Variants in ADARB1 observed in about 807,000 individuals in gnomAD.
ADARB1 encodes the protein double-stranded RNA-specific editase 1.
Under a neutral mutation model 52.4 loss-of-function variants are expected in ADARB1, and 10 were observed. The ratio of observed to expected loss-of-function variants is 0.19; its 90% CI spans 0.12 to 0.32. The LOEUF (loss-of-function observed/expected upper bound fraction) is 0.32, where lower values mean the gene tolerates loss of function less well. ADARB1 is among the 10% of genes least tolerant of loss of function. The pLI is 1.00. For synonymous variants in ADARB1, 349 were observed against 371.1 expected, an observed-to-expected ratio of 0.94 and a Z score of 0.68; for missense variants, 643 against 922.3, an observed-to-expected ratio of 0.70 and a Z score of 3.92.
At chr21:45,102,123 G>A (rs559533971) in intron 1 of ADARB1, among the ~76,000 whole-genome samples, 26 of 152,082 alleles carry the variant, frequency 1.7e-4, no homozygotes, top group Middle Eastern at 3.2e-3. Context: ...AACTCCTGGC[G>A]TCAAGCGATC....
chr21:45,154,530 T>C (rs1223189511), intron 2 of ADARB1, among the ~76,000 whole-genome samples: 2 of 152,250 alleles, frequency 1.3e-5, no homozygotes, highest in African/African-American at 4.8e-5. Context: ...TGATACAATG[T>C]ACGCCTTTTA....
intron 2 of ADARB1, among the ~76,000 whole-genome samples, chr21:45,137,478 G>T (rs1024937369): frequency 2.0e-5 from 3 of 152,310 alleles, no homozygotes; most frequent in African/African-American, 7.2e-5. Context: ...GTACGTGGGT[G>T]GCCCTTCGGG....
intron 1 of ADARB1, among the ~76,000 whole-genome samples, chr21:45,121,237 C>A (rs1210424717): frequency 2.0e-5 from 3 of 152,156 alleles, no homozygotes; most frequent in Non-Finnish European, 4.4e-5. Flanking sequence ...CCTTTTATAG[C>A]CACTCTTTTT....
intron 1 of ADARB1, among the ~76,000 whole-genome samples, chr21:45,089,319 A>C (rs994982308): frequency 2.0e-5 from 3 of 152,240 alleles, no homozygotes; most frequent in Admixed American, 6.5e-5. Context: ...AAATTTCAAC[A>C]TAAAAAGTTG....
At chr21:45,109,305 C>T (rs2087422243) in intron 1 of ADARB1, among the ~76,000 whole-genome samples, 1 of 141,642 alleles carries the variant, frequency 7.1e-6, no homozygotes, top group Admixed American at 7.0e-5. Context: ...TATGTGTGTG[C>T]ACGTGTGTGC....
intron 1 of ADARB1, among the ~76,000 whole-genome samples, chr21:45,112,522 C>CTT (rs2145759744): frequency 6.6e-6 from 1 of 151,850 alleles, no homozygotes; most frequent in South Asian, 2.1e-4. Context: ...GTGTGTATCT[C>CTT]TGTGTAGAGT....
intron 1 of ADARB1, among the ~76,000 whole-genome samples, chr21:45,123,623 C>T (rs1201477277): frequency 6.6e-6 from 1 of 150,994 alleles, no homozygotes; most frequent in Non-Finnish European, 1.5e-5. Flanking sequence ...GTTTTTGAGA[C>T]AGTGTCTCAC....
chr21:45,124,463 C>G (rs2088430369), intron 1 of ADARB1, among the ~76,000 whole-genome samples: 1 of 152,136 alleles, frequency 6.6e-6, no homozygotes. Flanking sequence ...CAGCCTCTGC[C>G]TCCTGGGCTC....
chr21:45,112,251 C>T (rs973327475), intron 1 of ADARB1, among the ~76,000 whole-genome samples: 1 of 152,148 alleles, frequency 6.6e-6, no homozygotes, highest in African/African-American at 2.4e-5. Flanking sequence ...ACTGGTTTTC[C>T]CCCTGAAAAT....
chr21:45,202,034 G>T (rs1468573220), intron 8 of ADARB1, among the ~76,000 whole-genome samples: 1 of 152,004 alleles, frequency 6.6e-6, no homozygotes, highest in African/African-American at 2.4e-5. Flanking sequence ...TGACAGGGCT[G>T]GGGGATCTGG....
At position 45,223,623 on chromosome 21, in the gene ADARB1, C is replaced by G. The variant is rs549197175; in HGVS notation, c.*1426C>G. 3.0e-6 allele frequency: 3 copies of G among 985,734 alleles called. No homozygotes were observed. The African/African-American group carries it at 5.2e-5, about 17-fold the overall frequency. 61.1% of individuals were successfully genotyped at this position (985,734 alleles called of 1,614,324 possible). On this transcript the variant is annotated 3_prime_UTR_variant, in exon 11 of 11. Transcript: ENST00000348831. ...GGGAGAGATTGGTGCAGACCTTACCCCACAGCATACACCTGCCACAGCGAA... is the reference window on the plus strand; with the variant it reads ...GGGAGAGATTGGTGCAGACCTTACCGCACAGCATACACCTGCCACAGCGAA...
At chr21:45,170,576 T>C (rs1276081341) in intron 2 of ADARB1, among the ~76,000 whole-genome samples, 1 of 151,552 alleles carries the variant, frequency 6.6e-6, no homozygotes, top group Non-Finnish European at 1.5e-5. Context: ...AAACTATATA[T>C]ATAAAATATA....
intron 1 of ADARB1, among the ~76,000 whole-genome samples, chr21:45,101,512 A>G (rs2087015406): frequency 6.6e-6 from 1 of 152,240 alleles, no homozygotes. Flanking sequence ...TATACCTGTG[A>G]TGTAACGAAA....
chr21:45,080,037 G>A (rs1046115205), intron 1 of ADARB1, among the ~76,000 whole-genome samples: 18 of 152,184 alleles, frequency 1.2e-4, no homozygotes, highest in African/African-American at 4.3e-4. Context: ...CCAAGACACC[G>A]AGGGGTTCTT....
chr21:45,176,390 C>T lies in ADARB1; in HGVS notation c.689C>T (p.Pro230Leu). Residue 230 changes from proline to leucine, a missense_variant, in exon 4 of 11, where the codon CCC becomes CTC. Physicochemically the swap from Pro to Leu is moderately conservative, Grantham distance 98 (BLOSUM62 -3). Coordinates refer to ENST00000348831, the MANE Select transcript of ADARB1 (RefSeq NM_001112.4). The surrounding 1 kb of genome is among the most constrained non-coding windows in gnomAD (Gnocchi z 5.8). ...PPLPVLPPFPPPSGKNPVMIL... is the reference protein window; with the variant it reads ...PPLPVLPPFPLPSGKNPVMIL... ...CTCCCTGTCTTACCACCATTCCCAC[C>T]CCCGAGTGGGAAGAATCCCGTGATG... 1 of 1,614,182 alleles carries T rather than the reference C, an allele frequency of 6.2e-7. No homozygotes were observed. The highest frequency in any genetic ancestry group is 8.5e-7 in the Non-Finnish European group (1 of 1,180,024).
chr21:45,184,919 T>C lies in ADARB1; in HGVS notation c.1397-4T>C, dbSNP rs1036440966. 25 of 1,609,086 alleles carry C rather than the reference T, an allele frequency of 1.6e-5. No homozygotes were observed. The highest frequency in any genetic ancestry group is 1.9e-5 in the Non-Finnish European group (22 of 1,175,944). Reference sequence around the variant, plus strand: ...GTGGGGTTTTAACTCTTTTTCTCTCTTAGAACCAGCAGATAGACACCCAAA... The same window carrying C: ...GTGGGGTTTTAACTCTTTTTCTCTCCTAGAACCAGCAGATAGACACCCAAA... On this transcript the variant is annotated splice_polypyrimidine_tract_variant and splice_region_variant and intron_variant, in intron 7 of 10. Transcript: ENST00000348831.
In ADARB1 at chr21:45,225,301, C is replaced by T; in HGVS notation, c.*3104C>T. The T allele has an allele frequency of 8.4e-7, 1 of 1,190,112 alleles. No homozygotes were observed. Among genetic ancestry groups the T allele is most frequent in the Non-Finnish European group, 1.0e-6 (1 of 961,738 alleles). The allele number at this position is 1,190,112 out of a possible 1,614,324, so 73.7% of individuals were successfully genotyped here. On this transcript the variant is annotated 3_prime_UTR_variant, in exon 11 of 11. Transcript: ENST00000348831. Reference sequence around the variant, plus strand: ...GGTCGTACGCCAGGCCCACCTCTTCCCAGCAAGGGACGCCAAAGAACTGCA... The same window carrying T: ...GGTCGTACGCCAGGCCCACCTCTTCTCAGCAAGGGACGCCAAAGAACTGCA...
intron 1 of ADARB1, among the ~76,000 whole-genome samples, chr21:45,109,284 G>A (rs573240497): frequency 2.7e-5 from 4 of 150,110 alleles, no homozygotes; most frequent in South Asian, 2.1e-4. Context: ...GCGTGTGCGC[G>A]CTTGTGCATA....
rs2093055963 is a variant in ADARB1 at position 45,226,154 on chromosome 21, G to A, written c.*3957G>A. 1 of 152,320 alleles carries A rather than the reference G, an allele frequency of 6.6e-6. No individual in the cohort carries two copies. The highest frequency in any genetic ancestry group is 1.5e-5 in the Non-Finnish European group (1 of 68,058). The allele number at this position is 152,320 out of a possible 1,614,324, so 9.4% of individuals were successfully genotyped here. On this transcript the variant is annotated 3_prime_UTR_variant, in exon 11 of 11. Coordinates refer to ENST00000348831, the MANE Select transcript of ADARB1 (RefSeq NM_001112.4). ...GTCTGCACTTTCTTGTTTACTGTTT[G>A]AAGGGACGAGTACCAAGCCACAAGA...
Sources: allele counts gnomAD v4.1 joint callset (sites outside exome capture counted in the v4.1 genomes callset), GRCh38; gene constraint gnomAD v4.1.1; non-coding constraint Gnocchi (gnomAD v3.1); transcripts MANE v1.5; gene names NCBI Gene and HGNC (gene_info 2026-07-23, HGNC 2026-07-21).